Variants in UNC79 observed in about 807,000 individuals in gnomAD.
UNC79 encodes the protein protein unc-79 homolog.
Under a neutral mutation model 283.1 loss-of-function variants are expected in UNC79, and 37 were observed. The ratio of observed to expected loss-of-function variants is 0.13; its 90% CI spans 0.10 to 0.17. UNC79 has a LOEUF of 0.17. Among genes scored for constraint, UNC79 ranks in the 10% least tolerant of loss-of-function variants. The probability of loss-of-function intolerance (pLI) is 1.00; values close to 1 mark genes in which losing one functional copy is unlikely to be tolerated. For missense variants in UNC79, 2,272 were observed against 3,211.1 expected, an observed-to-expected ratio of 0.71 and a Z score of 7.07; for synonymous variants, 1,107 against 1,200.2, an observed-to-expected ratio of 0.92 and a Z score of 1.61.
At chr14:93,622,567 G>A (rs746573395) in exon 30 of UNC79, 1 of 1,614,090 alleles carries the variant, frequency 6.2e-7, no homozygotes, top group Non-Finnish European at 8.5e-7. Context: ...GGGAGCTGAT[G>A]CCAAGTTCAG....
intron 1 of UNC79, among the ~76,000 whole-genome samples, chr14:93,444,065 A>C (rs1390371613): frequency 6.6e-6 from 1 of 152,178 alleles, no homozygotes; most frequent in Non-Finnish European, 1.5e-5. Flanking sequence ...TCCCACCAGC[A>C]ATGTAGGAGA....
At chr14:93,627,606 T>C (rs1314791794) in intron 30 of UNC79, among the ~76,000 whole-genome samples, 1 of 152,184 alleles carries the variant, frequency 6.6e-6, no homozygotes, top group Non-Finnish European at 1.5e-5. Context: ...TCCAAGCCTC[T>C]GGCCATGTTA....
chr14:93,601,665 T>C (rs2065515743), intron 25 of UNC79, among the ~76,000 whole-genome samples: 1 of 152,242 alleles, frequency 6.6e-6, no homozygotes, highest in Non-Finnish European at 1.5e-5. Flanking sequence ...TTTAGTTCTT[T>C]AAGGAATCTC....
Position 93,597,363 on chromosome 14 carries a change from A to G in UNC79, c.3195A>G (p.Glu1065=), listed in dbSNP as rs140797999. The G allele has an allele frequency of 4.5e-4, 729 of 1,613,930 alleles. 3 individuals carry two copies. The African/African-American group carries it at 8.6e-3, about 19-fold the overall frequency. The change falls in exon 24 of 49, where the codon GAA becomes GAG. Residue 1065 remains glutamate (E), a synonymous_variant. Transcript: ENST00000555664. Reference sequence around the variant, plus strand: ...GCCTTCTCTTTTACATTGCAGTGGAAAAAGTTGCTGTAATTTGTAGATTTC... The same window carrying G: ...GCCTTCTCTTTTACATTGCAGTGGAGAAAGTTGCTGTAATTTGTAGATTTC...
At chr14:93,525,012 T>C (rs1488574171) in intron 8 of UNC79, among the ~76,000 whole-genome samples, 1 of 152,194 alleles carries the variant, frequency 6.6e-6, no homozygotes, top group African/African-American at 2.4e-5. Flanking sequence ...CAAAAATGTG[T>C]TTCATGAACC....
chr14:93,517,521 G>A lies in UNC79; in HGVS notation c.899-6457G>A, dbSNP rs929360860. Among the ~76,000 whole-genome samples the A allele has an allele frequency of 3.4e-5, 5 of 148,844 alleles. No homozygotes were observed. In the East Asian group the frequency reaches 5.9e-4, roughly 17 times the overall value. On this transcript the variant is annotated intron_variant, in intron 7 of 48. Coordinates refer to ENST00000555664, the Ensembl canonical transcript of UNC79. The stretch of plus-strand genomic sequence containing the variant: ...GGAAATTACTGTCTGTTCTTAGTTT[G>A]CTGAGAGCTTTAATCATGAATGTCA...
chr14:93,426,758 CATT>C (rs59052139), upstream of UNC79, among the ~76,000 whole-genome samples: 9,265 of 152,034 alleles, frequency 0.061, 977 homozygotes, highest in African/African-American at 0.21. Flanking sequence ...TCTTTACAAT[CATT>C]ATAAGCATTT....
intron 45 of UNC79, 24 bp from the exon 49 acceptor site, chr14:93,691,725 T>A: frequency 6.2e-7 from 1 of 1,612,558 alleles, no homozygotes; most frequent in Non-Finnish European, 8.5e-7. Flanking sequence ...TGCAATGCAC[T>A]GATGCCGTCT....
intron 47 of UNC79, among the ~76,000 whole-genome samples, chr14:93,697,011 A>G (rs1297823141): frequency 6.6e-6 from 1 of 152,218 alleles, no homozygotes; most frequent in Non-Finnish European, 1.5e-5. Flanking sequence ...TTCCAGCATC[A>G]TTGTTAAAAA....
intron 20 of UNC79, among the ~76,000 whole-genome samples, chr14:93,583,158 C>T (rs934136180): frequency 1.3e-5 from 2 of 151,920 alleles, no homozygotes; most frequent in African/African-American, 4.8e-5. Flanking sequence ...CCTGTCTCTA[C>T]TAAAAATACA....
At chr14:93,586,843 A>G (rs986137945) in exon 22 of UNC79, 2 of 1,613,948 alleles carry the variant, frequency 1.2e-6, no homozygotes, top group Admixed American at 1.7e-5. Context: ...GAGAATGTTT[A>G]TACATTGCCA....
Position 93,688,870 on chromosome 14 carries a change from G to A in UNC79, c.7085+30G>A, listed in dbSNP as rs756607434. 3 of 1,603,940 alleles carry A rather than the reference G, an allele frequency of 1.9e-6. No homozygotes were observed. Among genetic ancestry groups the A allele is most frequent in the South Asian group, 2.2e-5 (2 of 89,788 alleles). Reference sequence around the variant, plus strand: ...GACCCTTACTATTCCGGGAATGAGGGTAAAGAAGGCAGGAGACACCCCTGA... The same window carrying A: ...GACCCTTACTATTCCGGGAATGAGGATAAAGAAGGCAGGAGACACCCCTGA... On this transcript the variant is annotated intron_variant, in intron 44 of 48. Coordinates refer to ENST00000555664, the Ensembl canonical transcript of UNC79. The surrounding 1 kb of genome is among the most constrained non-coding windows in gnomAD (Gnocchi z 4.0).
At chr14:93,390,846 ATGT>A (rs913887230) in intron 1 of UNC79, among the ~76,000 whole-genome samples, 4 of 152,210 alleles carry the variant, frequency 2.6e-5, no homozygotes, top group African/African-American at 9.6e-5. Flanking sequence ...GCAAAACTTA[ATGT>A]TGTAAAGATA....
At chr14:93,347,623 GA>G (rs2053885424) in intron 1 of UNC79, among the ~76,000 whole-genome samples, 1 of 152,128 alleles carries the variant, frequency 6.6e-6, no homozygotes, top group Non-Finnish European at 1.5e-5. Context: ...GAAAGCCCGG[GA>G]CCCTGAGGAA....
chr14:93,387,713 C>G (rs943425051), intron 1 of UNC79, among the ~76,000 whole-genome samples: 1 of 152,208 alleles, frequency 6.6e-6, no homozygotes, highest in Non-Finnish European at 1.5e-5. Context: ...GTCTATTCTG[C>G]AGTCGTTGCA....
At chr14:93,623,820 G>A (rs1162670091) in intron 30 of UNC79, among the ~76,000 whole-genome samples, 13 of 152,234 alleles carry the variant, frequency 8.5e-5, no homozygotes, top group Admixed American at 8.5e-4. Flanking sequence ...TTGAACCTGG[G>A]AGGCGGAGGT....
At chr14:93,603,093 G>A in intron 25 of UNC79, 146 bp from the exon 26 acceptor site, 1 of 903,260 alleles carries the variant, frequency 1.1e-6, no homozygotes, top group Non-Finnish European at 1.7e-6. Flanking sequence ...ATTTTTGTAT[G>A]TAGGACTCAT....
At chr14:93,666,597 C>T (rs2072228386) in intron 40 of UNC79, among the ~76,000 whole-genome samples, 1 of 152,054 alleles carries the variant, frequency 6.6e-6, no homozygotes. Context: ...ATAATATAGC[C>T]TCCAAATATA....
intron 23 of UNC79, among the ~76,000 whole-genome samples, chr14:93,596,282 A>G (rs1243554083): frequency 6.6e-6 from 1 of 152,242 alleles, no homozygotes; most frequent in African/African-American, 2.4e-5. Flanking sequence ...AGATCAGAGA[A>G]GACTTTACAA....
Sources: allele counts gnomAD v4.1 joint callset (sites outside exome capture counted in the v4.1 genomes callset), GRCh38; gene constraint gnomAD v4.1.1; non-coding constraint Gnocchi (gnomAD v3.1); transcripts MANE v1.5; gene names NCBI Gene and HGNC (gene_info 2026-07-23, HGNC 2026-07-21).